The following PLXDC2 variants were observed in gnomAD, a reference collection of about 807,000 sequenced individuals.
The protein encoded by PLXDC2 is plexin domain containing 2.
PLXDC2 carries 40 observed loss-of-function variants against 68.9 expected under a neutral mutation model. The ratio of observed to expected loss-of-function variants is 0.58; its 90% CI spans 0.45 to 0.76. The LOEUF (loss-of-function observed/expected upper bound fraction) is 0.76. Ranked by LOEUF, PLXDC2 falls within the 30% of genes least tolerant of loss-of-function variation. PLXDC2 has a pLI of 0.00. For missense variants in PLXDC2, 644 were observed against 661.9 expected (o/e 0.97, Z 0.30); for synonymous variants, 243 against 234.2 (o/e 1.04, Z -0.34).
Position 19,925,701 on chromosome 10 carries a change from G to T in PLXDC2, c.113-76074G>T, listed in dbSNP as rs550696884. 2.0e-5 allele frequency among the ~76,000 whole-genome samples: 3 copies of T among 152,326 alleles called. No individual in the cohort carries two copies. In the South Asian group the frequency reaches 6.2e-4, roughly 32 times the overall value. On this transcript the variant is annotated intron_variant, in intron 1 of 13. Coordinates refer to ENST00000377252, the MANE Select transcript of PLXDC2 (RefSeq NM_032812.9). Reference sequence around the variant, plus strand: ...ACTTTGAGTAAGGGACTGCTATGGGGTGACAGAGAGTAGTTGAAGTCACAG... The same window carrying T: ...ACTTTGAGTAAGGGACTGCTATGGGTTGACAGAGAGTAGTTGAAGTCACAG...
At chr10:20,023,107 A>C (rs1330815154) in intron 2 of PLXDC2, among the ~76,000 whole-genome samples, 1 of 141,244 alleles carries the variant, frequency 7.1e-6, no homozygotes, top group Non-Finnish European at 1.5e-5. Flanking sequence ...TAATATTTTA[A>C]ATATATATGT....
intron 1 of PLXDC2, among the ~76,000 whole-genome samples, chr10:19,888,366 T>G (rs1164894330): frequency 6.6e-6 from 1 of 152,210 alleles, no homozygotes; most frequent in Non-Finnish European, 1.5e-5. Context: ...GTTTTTCTTC[T>G]GGCTATTGAT....
intron 6 of PLXDC2, among the ~76,000 whole-genome samples, chr10:20,159,883 C>CAG (rs1366366719): frequency 6.6e-6 from 1 of 152,190 alleles, no homozygotes; most frequent in Non-Finnish European, 1.5e-5. Flanking sequence ...ATCACCTTCT[C>CAG]AGAGAGAGCT....
chr10:19,863,462 T>C (rs138775700), intron 1 of PLXDC2, among the ~76,000 whole-genome samples: 1,999 of 152,306 alleles, frequency 0.013, 25 homozygotes, highest in Non-Finnish European at 0.022. Flanking sequence ...TGTGAGATAT[T>C]GTATATTAGA....
At chr10:19,852,783 G>T (rs1216234662) in intron 1 of PLXDC2, among the ~76,000 whole-genome samples, 1 of 152,174 alleles carries the variant, frequency 6.6e-6, no homozygotes, top group Non-Finnish European at 1.5e-5. Context: ...CTACAGAATA[G>T]TGCCCATTGC....
At chr10:20,062,929 T>G (rs1200683720) in intron 3 of PLXDC2, among the ~76,000 whole-genome samples, 1 of 152,034 alleles carries the variant, frequency 6.6e-6, no homozygotes, top group Non-Finnish European at 1.5e-5. Flanking sequence ...CTTCCCAGAG[T>G]TAATACTTGA....
At chr10:20,206,788 G>A (rs150365299) in intron 9 of PLXDC2, among the ~76,000 whole-genome samples, 10 of 151,982 alleles carry the variant, frequency 6.6e-5, no homozygotes, top group East Asian at 1.9e-4. Flanking sequence ...GTGAATCACC[G>A]TTAAAAATGT....
intron 4 of PLXDC2, among the ~76,000 whole-genome samples, chr10:20,093,684 A>G (rs1833311071): frequency 6.6e-6 from 1 of 152,164 alleles, no homozygotes; most frequent in Non-Finnish European, 1.5e-5. Flanking sequence ...GTATTTATTT[A>G]TTTACTTGAG....
chr10:20,006,202 C>A (rs527776662), intron 2 of PLXDC2, among the ~76,000 whole-genome samples: 1 of 151,990 alleles, frequency 6.6e-6, no homozygotes, highest in South Asian at 2.1e-4. Context: ...GTAAAAAAGG[C>A]ATTTGTGAAC....
chr10:20,124,442 C>T (rs530327108), intron 4 of PLXDC2, among the ~76,000 whole-genome samples: 6 of 152,052 alleles, frequency 3.9e-5, no homozygotes, highest in African/African-American at 9.7e-5. Flanking sequence ...GACCTGAGGT[C>T]GTAGGTGGAT....
rs4990274 is a variant in PLXDC2 at position 20,126,621 on chromosome 10, C to T, written c.542-16674C>T. Among the ~76,000 whole-genome samples, 2 of 2,946 alleles carry T rather than the reference C, an allele frequency of 6.8e-4. 1 individual carries two copies. Among genetic ancestry groups the T allele is most frequent in the South Asian group, 6.9e-3 (2 of 288 alleles). 1.9% of individuals were successfully genotyped at this position (2,946 alleles called of 152,430 possible). ...GTTATATATGTATATATAACACACA[C>T]GTTATATATGTATATATAACACACA... On this transcript the variant is annotated intron_variant, in intron 4 of 13. Coordinates refer to ENST00000377252, the MANE Select transcript of PLXDC2 (RefSeq NM_032812.9).
intron 1 of PLXDC2, among the ~76,000 whole-genome samples, chr10:19,981,989 A>G (rs1418633377): frequency 6.6e-6 from 1 of 152,204 alleles, no homozygotes; most frequent in African/African-American, 2.4e-5. Flanking sequence ...AATGCATGTG[A>G]AAACACCCAC....
At chr10:20,276,747 A>T (rs962240994) in intron 13 of PLXDC2, among the ~76,000 whole-genome samples, 3 of 152,138 alleles carry the variant, frequency 2.0e-5, no homozygotes, top group Admixed American at 1.3e-4. Flanking sequence ...CTAGGCCTTG[A>T]GAAAGAACAA....
chr10:20,118,580 T>C (rs978048780), intron 4 of PLXDC2, among the ~76,000 whole-genome samples: 4 of 152,198 alleles, frequency 2.6e-5, no homozygotes, highest in Admixed American at 2.0e-4. Context: ...AAATCCATAG[T>C]GTAGCTCTTC....
At chr10:20,189,502 T>TATATATATATATAC (rs1347881382) in intron 9 of PLXDC2, among the ~76,000 whole-genome samples, 1 of 123,022 alleles carries the variant, frequency 8.1e-6, no homozygotes, top group Non-Finnish European at 1.7e-5. Flanking sequence ...TATATATATA[T>TATATATATATATAC]ATACACATAC....
chr10:20,058,160 A>G (rs1015603389), intron 3 of PLXDC2, among the ~76,000 whole-genome samples: 1 of 152,112 alleles, frequency 6.6e-6, no homozygotes, highest in African/African-American at 2.4e-5. Context: ...GGTACGTAAT[A>G]TTTTACATAT....
In PLXDC2 at chr10:20,264,826, C is replaced by G. The variant is rs1471477339; in HGVS notation, c.1474-14877C>G. On this transcript the variant is annotated intron_variant, in intron 13 of 13. Coordinates refer to ENST00000377252, the MANE Select transcript of PLXDC2 (RefSeq NM_032812.9). ...TCTGGATAATAGGAAAGAAAAAAACCAAAGCAAAAGAAAAATAAGCCACAA... is the reference window on the plus strand; with the variant it reads ...TCTGGATAATAGGAAAGAAAAAAACGAAAGCAAAAGAAAAATAAGCCACAA... Among the ~76,000 whole-genome samples, 3 of 151,436 alleles carry G rather than the reference C, an allele frequency of 2.0e-5. No individual in the cohort carries two copies. In the East Asian group the frequency reaches 5.8e-4, roughly 29 times the overall value.
chr10:20,267,611 T>C (rs1368228832), intron 13 of PLXDC2, among the ~76,000 whole-genome samples: 1 of 152,116 alleles, frequency 6.6e-6, no homozygotes, highest in Non-Finnish European at 1.5e-5. Context: ...CAGGCAAAAT[T>C]TGAGGGATTC....
chr10:20,269,760 G>T (rs1207631715), intron 13 of PLXDC2, among the ~76,000 whole-genome samples: 1 of 152,164 alleles, frequency 6.6e-6, no homozygotes, highest in African/African-American at 2.4e-5. Flanking sequence ...GCTCACACCT[G>T]TGATCCCAAC....
Sources: gnomAD v4.1 joint callset for allele counts (sites outside exome capture counted in the v4.1 genomes callset) on GRCh38, gnomAD v4.1.1 for gene constraint, MANE v1.5 for transcripts, NCBI Gene and HGNC (gene_info 2026-07-23, HGNC 2026-07-21) for gene names.